Variants in UBE2D4 observed in about 807,000 individuals in gnomAD.
UBE2D4 encodes the protein ubiquitin-conjugating enzyme E2 D4.
UBE2D4 carries 17 observed loss-of-function variants against 23.0 expected under a neutral mutation model. The ratio of observed to expected loss-of-function variants is 0.74; its 90% CI spans 0.51 to 1.11. The LOEUF (loss-of-function observed/expected upper bound fraction) is 1.11, where lower values mean the gene tolerates loss of function less well. Ranked by LOEUF, UBE2D4 falls within the 50% of genes least tolerant of loss-of-function variation. The pLI is 0.00. For missense variants in UBE2D4, 139 were observed against 181.8 expected, an observed-to-expected ratio of 0.76 and a Z score of 1.35; for synonymous variants, 61 against 69.4, an observed-to-expected ratio of 0.88 and a Z score of 0.60.
At chr7:43,952,298 G>A (rs17654788) in intron 6 of UBE2D4, 6,811 of 258,630 alleles carry the variant, frequency 0.026, 120 homozygotes, top group Non-Finnish European at 0.038. Context: ...CCTGTAACTA[G>A]TACAAACTGA....
At chr7:43,929,951 G>A (rs2095941875) in intron 1 of UBE2D4, among the ~76,000 whole-genome samples, 1 of 152,198 alleles carries the variant, frequency 6.6e-6, no homozygotes, top group African/African-American at 2.4e-5. Context: ...CCTTGTGCAT[G>A]GAATTGGAGG....
At chr7:43,947,948 G>C (rs1386263089) in intron 4 of UBE2D4, among the ~76,000 whole-genome samples, 1 of 152,218 alleles carries the variant, frequency 6.6e-6, no homozygotes, top group African/African-American at 2.4e-5. Context: ...GACCAGTGAT[G>C]ATGAGCATTT....
intron 1 of UBE2D4, among the ~76,000 whole-genome samples, chr7:43,927,584 G>A (rs1327365290): frequency 6.6e-6 from 1 of 152,090 alleles, no homozygotes; most frequent in African/African-American, 2.4e-5. Context: ...GGATTACAAC[G>A]TGAGACACCA....
intron 6 of UBE2D4, 137 bp from the exon 7 acceptor site, chr7:43,952,513 C>T: frequency 1.3e-6 from 1 of 778,834 alleles, no homozygotes; most frequent in Admixed American, 1.9e-5. Context: ...AGCCTTTATT[C>T]CACTCACCCA....
At position 43,948,759 on chromosome 7, in the gene UBE2D4, T is replaced by C. The variant is rs905931746; in HGVS notation, c.304+22T>C. On this transcript the variant is annotated intron_variant, in intron 5 of 6. Transcript: ENST00000222402. Reference sequence around the variant, plus strand: ...AAAGGTAGAGATGCTGATGGCATGCTCTGTGTGCTCTTTTACACATGTTTT... The same window carrying C: ...AAAGGTAGAGATGCTGATGGCATGCCCTGTGTGCTCTTTTACACATGTTTT... 4.5e-6 allele frequency: 7 copies of C among 1,548,438 alleles called. No homozygotes were observed. The Admixed American group carries it at 1.2e-4, about 26-fold the overall frequency.
chr7:43,949,506 C>T (rs550307563), intron 5 of UBE2D4, among the ~76,000 whole-genome samples: 3 of 152,202 alleles, frequency 2.0e-5, no homozygotes, highest in Non-Finnish European at 2.9e-5. Flanking sequence ...GGATTATAGG[C>T]GTGAGCCACT....
chr7:43,942,999 T>G lies in UBE2D4; in HGVS notation c.166T>G (p.Phe56Val). 1 of 1,614,176 alleles carries G rather than the reference T, an allele frequency of 6.2e-7. No homozygotes were observed. The highest frequency in any genetic ancestry group is 8.5e-7 in the Non-Finnish European group (1 of 1,180,032). ...QGGVFFLTIH[F>V]PTDYPFKPPK... The stretch of plus-strand genomic sequence containing the variant: ...AGGTGTTTTCTTCCTGACCATCCAC[T>G]TTCCTACAGATTACCCGTTCAAGCC... The change falls in exon 4 of 7, where the codon TTT (phenylalanine) becomes GTT (valine). Residue 56 changes from phenylalanine to valine, a missense_variant. Phe to Val is a conservative substitution (Grantham distance 50). Transcript: ENST00000222402.
chr7:43,932,649 C>G (rs564458396), intron 1 of UBE2D4, among the ~76,000 whole-genome samples: 1 of 151,728 alleles, frequency 6.6e-6, no homozygotes. Context: ...AAACATTAGC[C>G]GGGCATATTA....
rs1202510857 is a variant in UBE2D4 at position 43,955,010 on chromosome 7, T to G, written c.*2315T>G. ...ATAATAGAGAAAGTCAAATCAGCCCTTTGGGGTTTGTGGTAAAAATTCACT... is the reference window on the plus strand; with the variant it reads ...ATAATAGAGAAAGTCAAATCAGCCCGTTGGGGTTTGTGGTAAAAATTCACT... On this transcript the variant is annotated 3_prime_UTR_variant, in exon 7 of 7. Transcript: ENST00000222402. The G allele has an allele frequency of 6.6e-6, 1 of 152,208 alleles. No homozygotes were observed. Among genetic ancestry groups the G allele is most frequent in the African/African-American group, 2.4e-5 (1 of 41,462 alleles). 9.4% of individuals were successfully genotyped at this position (152,208 alleles called of 1,614,324 possible). A position where few individuals can be genotyped will look rare whatever the true frequency, so the allele number is the denominator to read the frequency against.
chr7:43,942,479 T>G, intron 2 of UBE2D4: 1 of 453,288 alleles, frequency 2.2e-6, no homozygotes, highest in East Asian at 4.3e-5. Context: ...GCATTCCTGA[T>G]TGGGTGTTCT....
intron 4 of UBE2D4, chr7:43,943,453 C>T (rs1034576025): frequency 3.3e-5 from 8 of 245,278 alleles, no homozygotes; most frequent in African/African-American, 1.8e-4. Context: ...GGGAGTACTA[C>T]TGGTATCTAG....
At chr7:43,947,806 A>AC in intron 4 of UBE2D4, among the ~76,000 whole-genome samples, 1 of 151,922 alleles carries the variant, frequency 6.6e-6, no homozygotes, top group African/African-American at 2.4e-5. Context: ...TTACACTCCC[A>AC]CCACCAGTGT....
chr7:43,929,984 C>A (rs897190225), intron 1 of UBE2D4, among the ~76,000 whole-genome samples: 4 of 152,160 alleles, frequency 2.6e-5, no homozygotes, highest in African/African-American at 9.7e-5. Context: ...ACTTTGGGAG[C>A]AACTCAGTCC....
At chr7:43,951,161 C>T (rs2096001520) in intron 6 of UBE2D4, among the ~76,000 whole-genome samples, 1 of 152,234 alleles carries the variant, frequency 6.6e-6, no homozygotes, top group African/African-American at 2.4e-5. Flanking sequence ...GCTGGCTCAG[C>T]TCAGAAGTCA....
At chr7:43,950,730 G>T in intron 6 of UBE2D4, 38 bp downstream of exon 6, 12 of 1,525,970 alleles carry the variant, frequency 7.9e-6, no homozygotes, top group Non-Finnish European at 1.1e-5. Context: ...CACCATGGCT[G>T]CCCCAGGCAG....
chr7:43,949,731 G>T (rs1050408960), intron 5 of UBE2D4, among the ~76,000 whole-genome samples: 5 of 152,206 alleles, frequency 3.3e-5, no homozygotes, highest in African/African-American at 1.2e-4. Context: ...CCTCACCACA[G>T]CCCTAGTGGG....
chr7:43,952,991 G>T lies in UBE2D4; in HGVS notation c.*296G>T. ...CCTCAGTTTGTCTGCTGGTCTCTTG[G>T]GGGGCCAGGCCCTGCACGTCTCTCC... On this transcript the variant is annotated 3_prime_UTR_variant, in exon 7 of 7. Transcript: ENST00000222402. 2.5e-6 allele frequency: 1 copy of T among 402,972 alleles called. No individual in the cohort carries two copies. Among genetic ancestry groups the T allele is most frequent in the South Asian group, 2.0e-5 (1 of 49,750 alleles). 25.0% of individuals were successfully genotyped at this position (402,972 alleles called of 1,614,324 possible).
intron 1 of UBE2D4, among the ~76,000 whole-genome samples, chr7:43,932,651 G>C (rs2095948433): frequency 6.6e-6 from 1 of 151,906 alleles, no homozygotes; most frequent in Non-Finnish European, 1.5e-5. Flanking sequence ...ACATTAGCCG[G>C]GCATATTAGT....
intron 2 of UBE2D4, among the ~76,000 whole-genome samples, chr7:43,940,401 CTG>C (rs1337162048): frequency 1.3e-5 from 2 of 152,210 alleles, no homozygotes; most frequent in Non-Finnish European, 2.9e-5. Flanking sequence ...TCAGATTAAA[CTG>C]GGGTCGCTGT....
Sources: gnomAD v4.1 joint callset for allele counts (sites outside exome capture counted in the v4.1 genomes callset) on GRCh38, gnomAD v4.1.1 for gene constraint, MANE v1.5 for transcripts, NCBI Gene and HGNC (gene_info 2026-07-23, HGNC 2026-07-21) for gene names.